Variants in PTPN22 observed in about 807,000 individuals in gnomAD.
PTPN22 encodes the protein tyrosine-protein phosphatase non-receptor type 22.
In PTPN22, 85 loss-of-function variants were observed where a neutral mutation model predicts 103.3. The ratio of observed to expected loss-of-function variants is 0.82; its 90% CI spans 0.69 to 0.99. The LOEUF (loss-of-function observed/expected upper bound fraction) is 0.99. Ranked by LOEUF, PTPN22 falls within the 50% of genes least tolerant of loss-of-function variation. PTPN22 has a pLI of 0.00. For missense variants in PTPN22, 865 were observed against 936.9 expected (o/e 0.92, Z 1.00); for synonymous variants, 323 against 310.2 (o/e 1.04, Z -0.43).
Position 113,839,347 on chromosome 1 carries a change from T to C in PTPN22, c.916-727A>G, listed in dbSNP as rs183429578. On this transcript the variant is annotated intron_variant, in intron 11 of 20. Coordinates refer to ENST00000359785, the Ensembl canonical transcript of PTPN22. ...CTCCTACCTCAGCCTCCCAAGTAGC[T>C]GGGACACTACAGGTGTGTACCACAG... 1.9e-3 allele frequency among the ~76,000 whole-genome samples: 281 copies of C among 150,878 alleles called. 3 individuals are homozygous for C. The highest frequency in any genetic ancestry group is 6.6e-3 in the African/African-American group (273 of 41,224).
exon 2 of PTPN22, chr1:113,859,378 T>C (rs570338563): frequency 6.2e-7 from 1 of 1,613,142 alleles, no homozygotes; most frequent in African/African-American, 1.3e-5. Flanking sequence ...ATATCTGTTT[T>C]TCTTGATATT....
At position 113,838,292 on chromosome 1, in the gene PTPN22, G is replaced by T. The variant is rs72650671; in HGVS notation, c.1108C>A (p.His370Asn). Residue 370 changes from histidine (H) to asparagine (N), a missense_variant, in exon 13 of 21, where the codon CAC (histidine) becomes AAC (asparagine). His to Asn is a moderately conservative substitution (Grantham distance 68). This residue lies in a region of PTPN22 where 457 missense variants were observed against 529.1 expected (regional missense o/e 0.86). Transcript: ENST00000359785. Reference sequence around the variant, plus strand: ...AAAGAAGTGCTTGATTTAGCAGGGTGCAAAACTAGCTCTTCTTTTGCACTT... The same window carrying T: ...AAAGAAGTGCTTGATTTAGCAGGGTTCAAAACTAGCTCTTCTTTTGCACTT... The T allele has an allele frequency of 2.5e-3, 3,965 of 1,613,738 alleles. 9 individuals are homozygous for T. The highest frequency in any genetic ancestry group is 4.7e-3 in the South Asian group (425 of 91,026).
At chr1:113,845,473 G>A (rs1288581198) in intron 11 of PTPN22, among the ~76,000 whole-genome samples, 1 of 152,006 alleles carries the variant, frequency 6.6e-6, no homozygotes, top group Non-Finnish European at 1.5e-5. Context: ...AAAGTGCTGG[G>A]ATTACAGGTG....
chr1:113,866,511 A>AAACAACAAC (rs374580486), intron 1 of PTPN22, among the ~76,000 whole-genome samples: 11 of 150,818 alleles, frequency 7.3e-5, no homozygotes, highest in African/African-American at 2.7e-4. Context: ...CTCCATCTCA[A>AAACAACAAC]AACAACAACA....
At chr1:113,850,200 A>AGAAGGAAGGAAGGAAG (rs71090741) in intron 10 of PTPN22, among the ~76,000 whole-genome samples, 48 of 78,020 alleles carry the variant, frequency 6.2e-4, no homozygotes, top group East Asian at 1.3e-3. Flanking sequence ...CCATCTCAAA[A>AGAAGGAAGGAAGGAAG]GAAGGAAGGA....
chr1:113,863,557 T>G (rs1307749603), intron 1 of PTPN22, among the ~76,000 whole-genome samples: 2 of 152,110 alleles, frequency 1.3e-5, no homozygotes, highest in Non-Finnish European at 2.9e-5. Flanking sequence ...TGCACAAAGG[T>G]CAAGAAATGC....
chr1:113,871,055 C>T (rs749835999), intron 1 of PTPN22, among the ~76,000 whole-genome samples: 1 of 151,554 alleles, frequency 6.6e-6, no homozygotes, highest in African/African-American at 2.4e-5. Flanking sequence ...ACAACAACAA[C>T]AAAAAAAACT....
chr1:113,832,992 G>C, intron 16 of PTPN22, 119 bp downstream of exon 16: 1 of 980,188 alleles, frequency 1.0e-6, no homozygotes, highest in Non-Finnish European at 1.5e-6. Context: ...ATAAATCAAT[G>C]AATACTGGAA....
chr1:113,834,220 A>C, intron 15 of PTPN22, 89 bp downstream of exon 15: 1 of 1,330,234 alleles, frequency 7.5e-7, no homozygotes, highest in Non-Finnish European at 1.1e-6. Flanking sequence ...TGTGCTTAGG[A>C]TTTATTGAAT....
At chr1:113,838,668 A>G (rs919096662) in intron 11 of PTPN22, 48 bp from the exon 12 acceptor site, 27 of 1,569,044 alleles carry the variant, frequency 1.7e-5, no homozygotes, top group African/African-American at 8.2e-5. Context: ...AGCAATGTCA[A>G]TAAGATATTT....
In PTPN22 at chr1:113,848,551, A is replaced by G; in HGVS notation, c.904T>C (p.Ser302Pro). The change falls in exon 11 of 21, where the codon TCT (serine) becomes CCT (proline). Residue 302 changes from serine (S) to proline (P), a missense_variant. Ser to Pro is a moderately conservative substitution (Grantham distance 74). Transcript: ENST00000359785. ...AGTTTAAATTTTACCTCTGTTCCAGAATGTTTATCTCTGATAACATCCATC... is the reference window on the plus strand; with the variant it reads ...AGTTTAAATTTTACCTCTGTTCCAGGATGTTTATCTCTGATAACATCCATC... 7 of 1,613,418 alleles carry G rather than the reference A, an allele frequency of 4.3e-6. No individual in the cohort carries two copies. The South Asian group carries it at 7.7e-5, about 18-fold the overall frequency.
Position 113,837,476 on chromosome 1 carries a change from AAAAG to A in PTPN22, c.1810+110_1810+113del, listed in dbSNP as rs1285657524. The A allele has an allele frequency of 6.6e-5, 52 of 784,694 alleles. No individual in the cohort carries two copies. The South Asian group carries it at 6.8e-4, about 10-fold the overall frequency. The allele number at this position is 784,694 out of a possible 1,614,324, so 48.6% of individuals were successfully genotyped here. A position where few individuals can be genotyped will look rare whatever the true frequency, so the allele number is the denominator to read the frequency against. ...AAAAAAAAAAAGAAAAAAAAGAGAAAAAAGAAAGAAAGAGAAGAAGCAGAGGAGA... is the reference window on the plus strand; with the variant it reads ...AAAAAAAAAAAGAAAAAAAAGAGAAAAAAGAAAGAGAAGAAGCAGAGGAGA... On this transcript the variant is annotated intron_variant, in intron 13 of 20. Coordinates refer to ENST00000359785, the Ensembl canonical transcript of PTPN22.
chr1:113,840,463 G>C (rs903822597), intron 11 of PTPN22, among the ~76,000 whole-genome samples: 1 of 152,034 alleles, frequency 6.6e-6, no homozygotes, highest in African/African-American at 2.4e-5. Context: ...AAAATACTTA[G>C]GAATAGATTT....
intron 1 of PTPN22, among the ~76,000 whole-genome samples, chr1:113,861,833 G>A (rs969670566): frequency 6.6e-6 from 1 of 152,226 alleles, no homozygotes; most frequent in African/African-American, 2.4e-5. Context: ...GGGTATAAAA[G>A]AGGAAGCAGG....
At chr1:113,871,701 C>T in exon 1 of PTPN22, 4 of 1,253,226 alleles carry the variant, frequency 3.2e-6, no homozygotes, top group Non-Finnish European at 4.7e-6. Flanking sequence ...GAGACACCTC[C>T]AAAAAGCCAC....
chr1:113,836,419 T>G (rs1056211674), intron 13 of PTPN22, among the ~76,000 whole-genome samples: 1 of 152,152 alleles, frequency 6.6e-6, no homozygotes, highest in East Asian at 1.9e-4. Flanking sequence ...GATAAAATTT[T>G]TACACAAAAT....
Position 113,814,915 on chromosome 1 carries a change from C to T in PTPN22, c.2414G>A (p.Trp805Ter), listed in dbSNP as rs1420472394. 1.0e-5 allele frequency: 16 copies of T among 1,605,622 alleles called. No homozygotes were observed. Among genetic ancestry groups the T allele is most frequent in the Non-Finnish European group, 1.3e-5 (15 of 1,174,002 alleles). The change falls in exon 21 of 21, where the codon TGG becomes TAG. Residue 805 changes from tryptophan to a stop codon, truncating the protein, a stop_gained. Transcript: ENST00000359785. LOFTEE classifies it high-confidence loss of function. ...AAATCTGGAGTTTTATTAAATATTCCAAGTTGGTGGTGGATTCCTTGGTCC... is the reference window on the plus strand; with the variant it reads ...AAATCTGGAGTTTTATTAAATATTCTAAGTTGGTGGTGGATTCCTTGGTCC...
At chr1:113,829,651 T>C (rs1290914619) in exon 18 of PTPN22, 1 of 1,611,072 alleles carries the variant, frequency 6.2e-7, no homozygotes, top group South Asian at 1.1e-5. Context: ...GATGTTGAAT[T>C]TTCCATGGTG....
intron 18 of PTPN22, among the ~76,000 whole-genome samples, chr1:113,828,097 G>T (rs1558021152): frequency 6.6e-6 from 1 of 151,854 alleles, no homozygotes; most frequent in South Asian, 2.1e-4. Flanking sequence ...TTTATTTGGG[G>T]GTTATTATTT....
Sources: gnomAD v4.1 joint callset for allele counts (sites outside exome capture counted in the v4.1 genomes callset) on GRCh38, gnomAD v4.1.1 for gene constraint, gnomAD v4.1.1 regional missense constraint, MANE v1.5 for transcripts, NCBI Gene and HGNC (gene_info 2026-07-23, HGNC 2026-07-21) for gene names.